Variants in NUP54 observed in about 807,000 individuals in gnomAD.
The protein encoded by NUP54 is nucleoporin 54.
In NUP54, 27 loss-of-function variants were observed where a neutral mutation model predicts 66.4. The ratio of observed to expected loss-of-function variants is 0.41; its 90% CI spans 0.30 to 0.56. NUP54 has a LOEUF of 0.56. Ranked by LOEUF, NUP54 falls within the 20% of genes least tolerant of loss-of-function variation. NUP54 has a pLI of 0.34. For missense variants in NUP54, 486 were observed against 596.3 expected, an observed-to-expected ratio of 0.82 and a Z score of 1.93; for synonymous variants, 206 against 210.7, an observed-to-expected ratio of 0.98 and a Z score of 0.19.
At position 76,118,253 on chromosome 4, in the gene NUP54, G is replaced by T. The variant is rs1326893775; in HGVS notation, c.1165-59C>A. 3 of 1,465,738 alleles carry T rather than the reference G, an allele frequency of 2.0e-6. No homozygotes were observed. In the African/African-American group the frequency reaches 4.2e-5, roughly 20 times the overall value. The allele number at this position is 1,465,738 out of a possible 1,614,324, so 90.8% of individuals were successfully genotyped here. On this transcript the variant is annotated intron_variant, in intron 9 of 11. Transcript: ENST00000264883. Reference sequence around the variant, plus strand: ...TCATCTCTTTTTAGTTATGCAAGTAGTAGTAGTACAATTAGTTACTGAAAG... The same window carrying T: ...TCATCTCTTTTTAGTTATGCAAGTATTAGTAGTACAATTAGTTACTGAAAG...
chr4:76,125,788 A>G (rs1437673829), intron 8 of NUP54, among the ~76,000 whole-genome samples: 1 of 44,844 alleles, frequency 2.2e-5, no homozygotes, highest in Non-Finnish European at 4.1e-5. Context: ...AGAGAGGGGG[A>G]GAGAGGGAGA....
At chr4:76,117,868 T>TA in intron 10 of NUP54, 94 bp from the exon 11 acceptor site, 2 of 1,112,126 alleles carry the variant, frequency 1.8e-6, no homozygotes, top group East Asian at 2.4e-5. Context: ...AACCATCTAT[T>TA]AAAAATTTCT....
At chr4:76,127,410 C>T (rs537098143) in intron 8 of NUP54, among the ~76,000 whole-genome samples, 21 of 120,416 alleles carry the variant, frequency 1.7e-4, no homozygotes, top group East Asian at 1.1e-3. Context: ...CCAGCCTGGG[C>T]GACAGAACGA....
intron 9 of NUP54, among the ~76,000 whole-genome samples, chr4:76,119,869 C>G (rs1646336900): frequency 6.6e-6 from 1 of 151,770 alleles, no homozygotes; most frequent in African/African-American, 2.4e-5. Flanking sequence ...CATAGACCGA[C>G]TGCTTTTTAC....
At chr4:76,122,274 C>T (rs972335422) in intron 9 of NUP54, among the ~76,000 whole-genome samples, 2 of 151,934 alleles carry the variant, frequency 1.3e-5, no homozygotes, top group Admixed American at 6.6e-5. Flanking sequence ...TTTTTTGGTC[C>T]GATTTGAGGT....
At chr4:76,131,332 T>C (rs879081954) in intron 6 of NUP54, 48 bp from the exon 7 acceptor site, 1 of 1,168,914 alleles carries the variant, frequency 8.6e-7, no homozygotes, top group South Asian at 1.4e-5. Flanking sequence ...TCTATTTTTA[T>C]AATATGTGTA....
At chr4:76,124,778 G>T in intron 8 of NUP54, 22 bp from the exon 9 acceptor site, 1 of 673,464 alleles carries the variant, frequency 1.5e-6, no homozygotes. Context: ...AAAATTGGGG[G>T]GGGGAGGGTT....
chr4:76,122,970 C>T (rs970240697), intron 9 of NUP54, among the ~76,000 whole-genome samples: 3 of 152,256 alleles, frequency 2.0e-5, no homozygotes, highest in Non-Finnish European at 2.9e-5. Flanking sequence ...GACCATATAT[C>T]GTTATGATTC....
chr4:76,147,812 G>T, intron 1 of NUP54: 1 of 383,346 alleles, frequency 2.6e-6, no homozygotes, highest in Non-Finnish European at 4.8e-6. Context: ...GGGGCAGATG[G>T]AAGAAGCATG....
rs370996246 is a variant in NUP54, at chr4:76,124,773, T to C, written c.1057-17A>G. 25 of 438,332 alleles carry C rather than the reference T, an allele frequency of 5.7e-5. No homozygotes were observed. Among genetic ancestry groups the C allele is most frequent in the Non-Finnish European group, 9.1e-5 (22 of 241,824 alleles). 27.2% of individuals were successfully genotyped at this position (438,332 alleles called of 1,614,324 possible). ...AGATATGATCTGTTTAAAAAAAAAT[T>C]GGGGGGGGGAGGGTTAATCAAATAT... On this transcript the variant is annotated splice_polypyrimidine_tract_variant and intron_variant, in intron 8 of 11. Transcript: ENST00000264883.
At chr4:76,126,180 G>C (rs1349387288) in intron 8 of NUP54, among the ~76,000 whole-genome samples, 1 of 152,148 alleles carries the variant, frequency 6.6e-6, no homozygotes, top group African/African-American at 2.4e-5. Flanking sequence ...TTATGCCTCT[G>C]GATCTTTGAC....
chr4:76,134,114 T>C, intron 5 of NUP54, 61 bp downstream of exon 5: 2 of 1,203,400 alleles, frequency 1.7e-6, no homozygotes, highest in Non-Finnish European at 2.3e-6. Context: ...ACATTATTGA[T>C]CACTCCCTTA....
At chr4:76,125,337 CA>C (rs1730429541) in intron 8 of NUP54, among the ~76,000 whole-genome samples, 1 of 147,246 alleles carries the variant, frequency 6.8e-6, no homozygotes, top group African/African-American at 2.5e-5. Context: ...CACACACACA[CA>C]CACACACACA....
chr4:76,145,114 C>A (rs1036512862), intron 1 of NUP54, among the ~76,000 whole-genome samples: 5 of 151,714 alleles, frequency 3.3e-5, no homozygotes, highest in Admixed American at 2.0e-4. Context: ...GTCAGGAGAT[C>A]GAGACCATCC....
At chr4:76,132,979 CTG>C (rs1730873646) in intron 5 of NUP54, among the ~76,000 whole-genome samples, 1 of 150,880 alleles carries the variant, frequency 6.6e-6, no homozygotes, top group African/African-American at 2.4e-5. Context: ...CTCCAAGTAA[CTG>C]AGAGTACAGC....
intron 1 of NUP54, 30 bp from the exon 2 acceptor site, chr4:76,144,503 A>C: frequency 6.5e-7 from 1 of 1,537,228 alleles, no homozygotes; most frequent in African/African-American, 1.4e-5. Context: ...AATAGAAAGG[A>C]AGAATCTTTT....
chr4:76,129,453 CAAG>C (rs1008376700), intron 8 of NUP54, among the ~76,000 whole-genome samples: 2 of 152,142 alleles, frequency 1.3e-5, no homozygotes, highest in African/African-American at 2.4e-5. Context: ...GAAAAAACAA[CAAG>C]AATACAGAAC....
At chr4:76,125,443 G>A (rs1258230737) in intron 8 of NUP54, among the ~76,000 whole-genome samples, 2 of 151,192 alleles carry the variant, frequency 1.3e-5, no homozygotes, top group Admixed American at 6.6e-5. Flanking sequence ...AGACAAGCTT[G>A]GGCAAAATGG....
intron 1 of NUP54, among the ~76,000 whole-genome samples, chr4:76,146,418 A>T (rs1731502341): frequency 6.6e-6 from 1 of 152,240 alleles, no homozygotes; most frequent in Admixed American, 6.5e-5. Flanking sequence ...AAGGACAGTG[A>T]TATGTGATTA....
Sources: gnomAD v4.1 joint callset for allele counts (sites outside exome capture counted in the v4.1 genomes callset) on GRCh38, gnomAD v4.1.1 for gene constraint, MANE v1.5 for transcripts, NCBI Gene and HGNC (gene_info 2026-07-23, HGNC 2026-07-21) for gene names.